The following STX8 variants were observed in gnomAD, a reference collection of about 807,000 sequenced individuals.
STX8 encodes syntaxin 8, also known as syntaxin-8.
Under a neutral mutation model 37.5 loss-of-function variants are expected in STX8, and 23 were observed. The observed-to-expected ratio is 0.61, with a 90% CI of 0.44 to 0.87. The LOEUF (loss-of-function observed/expected upper bound fraction) is 0.87. STX8 is among the 40% of genes least tolerant of loss of function. The pLI is 0.00. For synonymous variants in STX8, 115 were observed against 99.1 expected (o/e 1.16, Z -0.95); for missense variants, 313 against 284.7 (o/e 1.10, Z -0.71).
chr17:9,354,190 A>T (rs1304344333), intron 7 of STX8, among the ~76,000 whole-genome samples: 1 of 151,916 alleles, frequency 6.6e-6, no homozygotes, highest in African/African-American at 2.4e-5. Flanking sequence ...TGAATCATAT[A>T]TTTTGATTAA....
chr17:9,310,691 A>G (rs1346099744), intron 7 of STX8, among the ~76,000 whole-genome samples: 2 of 151,968 alleles, frequency 1.3e-5, no homozygotes, highest in African/African-American at 4.8e-5. Flanking sequence ...TTCTCATTTG[A>G]TTTATAGTAA....
At chr17:9,264,573 G>C (rs1448713590) in intron 7 of STX8, among the ~76,000 whole-genome samples, 1 of 152,090 alleles carries the variant, frequency 6.6e-6, no homozygotes, top group African/African-American at 2.4e-5. Flanking sequence ...CCAAAGTTCT[G>C]TGATTACAGG....
chr17:9,299,826 G>A (rs12939117), intron 7 of STX8, among the ~76,000 whole-genome samples: 16,238 of 152,154 alleles, frequency 0.11, 1,032 homozygotes, highest in Middle Eastern at 0.16. Context: ...AGAAGCTACC[G>A]CTTTAGGCTA....
intron 7 of STX8, among the ~76,000 whole-genome samples, chr17:9,338,048 A>ATTTTTTTTTTTT (rs972471091): frequency 5.6e-5 from 6 of 107,898 alleles, no homozygotes; most frequent in Admixed American, 1.9e-4. Context: ...CCTCTGAAGG[A>ATTTTTTTTTTTT]TTTTTTTTTT....
rs548918505 is a variant in STX8 at position 9,476,547 on chromosome 17, G to A, written c.541+15282C>T. On this transcript the variant is annotated intron_variant, in intron 6 of 7. Coordinates refer to ENST00000306357, the MANE Select transcript of STX8 (RefSeq NM_004853.3). ...GGCTCACTGCAACCTCCACCTCCCG[G>A]GTTCAAGCTATTCTCCTGGCTCAGC... Among the ~76,000 whole-genome samples the A allele has an allele frequency of 2.0e-5, 3 of 151,908 alleles. No individual in the cohort carries two copies. The South Asian group carries it at 6.3e-4, about 32-fold the overall frequency.
intron 4 of STX8, among the ~76,000 whole-genome samples, chr17:9,521,444 C>T (rs1432030752): frequency 6.6e-6 from 1 of 152,198 alleles, no homozygotes; most frequent in Non-Finnish European, 1.5e-5. Context: ...CAATTTTCAA[C>T]ACAGCACTTA....
At chr17:9,441,822 C>T (rs1240825338) in intron 6 of STX8, among the ~76,000 whole-genome samples, 1 of 151,620 alleles carries the variant, frequency 6.6e-6, no homozygotes, top group Non-Finnish European at 1.5e-5. Context: ...ACTACAGGCG[C>T]CCACCACCAC....
At chr17:9,274,392 C>T (rs1037997998) in intron 7 of STX8, among the ~76,000 whole-genome samples, 1 of 152,006 alleles carries the variant, frequency 6.6e-6, no homozygotes, top group African/African-American at 2.4e-5. Context: ...AGGCCGGGCG[C>T]GGTGGCTCCC....
chr17:9,409,520 T>G (rs1053455001), intron 6 of STX8, among the ~76,000 whole-genome samples: 7 of 152,320 alleles, frequency 4.6e-5, no homozygotes, highest in African/African-American at 1.7e-4. Context: ...TTAGTTGTAC[T>G]TAATTGAATA....
intron 2 of STX8, among the ~76,000 whole-genome samples, chr17:9,566,263 C>G (rs1466116202): frequency 6.6e-6 from 1 of 152,224 alleles, no homozygotes; most frequent in Non-Finnish European, 1.5e-5. Flanking sequence ...GATACCATCT[C>G]ACACCACTCA....
chr17:9,542,811 G>C (rs1906338108), intron 4 of STX8, among the ~76,000 whole-genome samples: 1 of 152,140 alleles, frequency 6.6e-6, no homozygotes, highest in Admixed American at 6.5e-5. Context: ...CTGTAGTTTG[G>C]GGTTCGGGTT....
Position 9,422,606 on chromosome 17 carries a change from T to C in STX8, c.542-43953A>G, listed in dbSNP as rs370076378. Among the ~76,000 whole-genome samples the C allele has an allele frequency of 2.0e-5, 3 of 152,378 alleles. No homozygotes were observed. The South Asian group carries it at 6.2e-4, about 32-fold the overall frequency. ...GCAGGATGTTTTCAAGGTTCATCCG[T>C]GTTGTTCCATGTGTCAGTATTCATT... On this transcript the variant is annotated intron_variant, in intron 6 of 7. Coordinates refer to ENST00000306357, the MANE Select transcript of STX8 (RefSeq NM_004853.3).
chr17:9,535,424 CTTTTTTT>C (rs35962202), intron 4 of STX8, among the ~76,000 whole-genome samples: 3,024 of 51,582 alleles, frequency 0.059, 235 homozygotes, highest in African/African-American at 0.21. Flanking sequence ...AGCCATCCTA[CTTTTTTT>C]TTTTTTTTTT....
chr17:9,267,464 C>T (rs1907270574), intron 7 of STX8, among the ~76,000 whole-genome samples: 1 of 152,194 alleles, frequency 6.6e-6, no homozygotes, highest in Admixed American at 6.5e-5. Context: ...GTGCTCAATG[C>T]TGCCCATATC....
intron 6 of STX8, among the ~76,000 whole-genome samples, chr17:9,418,277 A>G (rs1913270247): frequency 6.6e-6 from 1 of 151,770 alleles, no homozygotes; most frequent in Non-Finnish European, 1.5e-5. Context: ...GGAGGGAAAA[A>G]CCTCTGATTG....
chr17:9,474,389 T>C (rs1906011206), intron 6 of STX8, among the ~76,000 whole-genome samples: 1 of 152,150 alleles, frequency 6.6e-6, no homozygotes, highest in Admixed American at 6.5e-5. Context: ...TTCTTTCTTT[T>C]TGAGATGGAG....
chr17:9,569,323 C>T (rs1228843519), intron 1 of STX8, among the ~76,000 whole-genome samples: 1 of 152,156 alleles, frequency 6.6e-6, no homozygotes, highest in African/African-American at 2.4e-5. Flanking sequence ...AAGAAAAACG[C>T]AGCAGGATAA....
intron 6 of STX8, among the ~76,000 whole-genome samples, chr17:9,382,859 AAAG>A (rs1911869311): frequency 6.6e-6 from 1 of 152,242 alleles, no homozygotes; most frequent in South Asian, 2.1e-4. Context: ...CAGAAAGCAG[AAAG>A]AAGGACAACT....
rs537936237 is a variant in STX8, at chr17:9,455,265, C to T, written c.541+36564G>A. Among the ~76,000 whole-genome samples the T allele has an allele frequency of 2.0e-5, 3 of 151,112 alleles. No homozygotes were observed. The South Asian group carries it at 6.3e-4, about 32-fold the overall frequency. The stretch of plus-strand genomic sequence containing the variant: ...CTGTAATCCTAGCAATTTGGGAGGC[C>T]GAGGTGGGCGGATCATGAGGTCAGG... On this transcript the variant is annotated intron_variant, in intron 6 of 7. Transcript: ENST00000306357.
Sources: allele counts gnomAD v4.1 joint callset (sites outside exome capture counted in the v4.1 genomes callset), GRCh38; gene constraint gnomAD v4.1.1; transcripts MANE v1.5; gene names NCBI Gene and HGNC (gene_info 2026-07-23, HGNC 2026-07-21).